The following ZNF385D variants were observed in gnomAD, a reference collection of about 807,000 sequenced individuals.
ZNF385D encodes the protein zinc finger protein 659.
In ZNF385D, 15 loss-of-function variants were observed where a neutral mutation model predicts 35.8. That is an observed-to-expected ratio of 0.42 (90% confidence interval 0.28 to 0.64). ZNF385D has a LOEUF of 0.64. ZNF385D is among the 30% of genes least tolerant of loss of function. ZNF385D has a pLI of 0.23. For synonymous variants in ZNF385D, 212 were observed against 186.8 expected (o/e 1.13, Z -1.10); for missense variants, 474 against 494.6 (o/e 0.96, Z 0.39).
chr3:21,454,394 T>C (rs1351028044), intron 4 of ZNF385D, among the ~76,000 whole-genome samples: 2 of 152,144 alleles, frequency 1.3e-5, no homozygotes, highest in Admixed American at 6.6e-5. Flanking sequence ...TTCCTTGCAG[T>C]GGCCAAAGTT....
chr3:21,903,965 A>C (rs936995893), intron 3 of ZNF385D, among the ~76,000 whole-genome samples: 1 of 152,088 alleles, frequency 6.6e-6, no homozygotes, highest in Admixed American at 6.6e-5. Flanking sequence ...AGCATGTTTG[A>C]TGACTTTTCA....
chr3:22,340,372 G>A (rs34746321), intron 2 of ZNF385D, among the ~76,000 whole-genome samples: 7,141 of 152,186 alleles, frequency 0.047, 519 homozygotes, highest in African/African-American at 0.16. Flanking sequence ...TGAGGTGGGC[G>A]TGGTGGCTCA....
upstream of ZNF385D, among the ~76,000 whole-genome samples, chr3:21,754,161 T>A (rs1176020102): frequency 1.3e-5 from 2 of 152,200 alleles, no homozygotes; most frequent in African/African-American, 4.8e-5. Flanking sequence ...TTCTTCAACA[T>A]ATTATTTTTT....
rs10676871 is a variant in ZNF385D, at chr3:22,107,026, G to GTTTTTTTTTTTTTTTT, written c.325+61775_325+61790dup. 5.1e-4 allele frequency among the ~76,000 whole-genome samples: 61 copies of GTTTTTTTTTTTTTTTT among 118,820 alleles called. 5 individuals carry two copies. The highest frequency in any genetic ancestry group is 3.5e-3 in the South Asian group (12 of 3,446). The allele number at this position is 118,820 out of a possible 152,430, so 78.0% of individuals were successfully genotyped here. A position where few individuals can be genotyped will look rare whatever the true frequency, so the allele number is the denominator to read the frequency against. ...TTTATGCAAAAACTTTGGAATGAGA[G>GTTTTTTTTTTTTTTTT]TTTTTTTTTTTTTTTTAGACAGAGT... On this transcript the variant is annotated intron_variant, in intron 3 of 5. Coordinates refer to the ZNF385D transcript ENST00000494108.
intron 3 of ZNF385D, among the ~76,000 whole-genome samples, chr3:21,885,146 A>G (rs962154906): frequency 6.6e-6 from 1 of 152,082 alleles, no homozygotes; most frequent in African/African-American, 2.4e-5. Context: ...ATAAAAGCAT[A>G]TCATATATGC....
At chr3:21,780,396 C>T (rs1256562789) in intron 3 of ZNF385D, among the ~76,000 whole-genome samples, 1 of 151,914 alleles carries the variant, frequency 6.6e-6, no homozygotes, top group African/African-American at 2.4e-5. Flanking sequence ...CTGACATTTT[C>T]CTCTTCCTCA....
intron 3 of ZNF385D, among the ~76,000 whole-genome samples, chr3:22,018,528 G>T (rs1480497345): frequency 6.6e-6 from 1 of 151,828 alleles, no homozygotes; most frequent in Admixed American, 6.6e-5. Context: ...CTTTTTGTTA[G>T]TTCCTAATTC....
In ZNF385D at chr3:22,317,141, G is replaced by C. The variant is rs185079831; in HGVS notation, c.106+55309C>G. Among the ~76,000 whole-genome samples, 11 of 151,806 alleles carry C rather than the reference G, an allele frequency of 7.2e-5. No homozygotes were observed. In the East Asian group the frequency reaches 2.1e-3, roughly 29 times the overall value. ...AAAAATACAAAATTAGCCGGGCATG[G>C]TGGCATGCACCTGTAATTCCAGCTA... On this transcript the variant is annotated intron_variant, in intron 2 of 5. Coordinates refer to the ZNF385D transcript ENST00000494108.
intron 3 of ZNF385D, among the ~76,000 whole-genome samples, chr3:21,805,529 A>T (rs1048310875): frequency 4.6e-5 from 7 of 152,228 alleles, no homozygotes; most frequent in Non-Finnish European, 8.8e-5. Context: ...AGAACAAAAG[A>T]CCACTCTACT....
At chr3:21,931,423 C>T (rs1701001961) in intron 3 of ZNF385D, among the ~76,000 whole-genome samples, 1 of 152,038 alleles carries the variant, frequency 6.6e-6, no homozygotes, top group Admixed American at 6.6e-5. Flanking sequence ...TACAGATGAC[C>T]CAGCAGTTAC....
chr3:21,840,555 A>C (rs1695601393), intron 3 of ZNF385D, among the ~76,000 whole-genome samples: 1 of 123,674 alleles, frequency 8.1e-6, no homozygotes, highest in African/African-American at 3.3e-5. Flanking sequence ...GCAACTGGGA[A>C]TTTTCAAGAA....
intron 2 of ZNF385D, among the ~76,000 whole-genome samples, chr3:22,308,433 CTTTT>C (rs958704845): frequency 3.3e-5 from 5 of 151,592 alleles, no homozygotes; most frequent in Admixed American, 1.3e-4. Context: ...TAAAACCTGC[CTTTT>C]TTTTCTTTTT....
At chr3:22,217,942 C>T (rs1189538861) in intron 2 of ZNF385D, among the ~76,000 whole-genome samples, 2 of 152,132 alleles carry the variant, frequency 1.3e-5, no homozygotes, top group Non-Finnish European at 2.9e-5. Context: ...GTCACTCCCT[C>T]TCTTTCAAAT....
chr3:22,135,514 T>C (rs1220024042), intron 3 of ZNF385D, among the ~76,000 whole-genome samples: 2 of 152,230 alleles, frequency 1.3e-5, no homozygotes, highest in East Asian at 3.9e-4. Flanking sequence ...ACAACATTCA[T>C]AGAATGAAAG....
Position 22,273,201 on chromosome 3 carries a change from C to A in ZNF385D, c.106+99249G>T, listed in dbSNP as rs572177985. On this transcript the variant is annotated intron_variant, in intron 2 of 5. Transcript: ENST00000494108. ...GATATGACACTAACTGGAATTAGATCCAAGTTTCCTAAAAGCAAATTTGTG... is the reference window on the plus strand; with the variant it reads ...GATATGACACTAACTGGAATTAGATACAAGTTTCCTAAAAGCAAATTTGTG... 2.0e-5 allele frequency among the ~76,000 whole-genome samples: 3 copies of A among 152,058 alleles called. No individual in the cohort carries two copies. The South Asian group carries it at 6.2e-4, about 32-fold the overall frequency.
intron 1 of ZNF385D, among the ~76,000 whole-genome samples, chr3:21,674,880 G>C (rs901742530): frequency 6.6e-6 from 1 of 151,636 alleles, no homozygotes; most frequent in African/African-American, 2.4e-5. Context: ...TAAGTGACTT[G>C]TGTATTGTTT....
At chr3:22,326,473 C>A (rs576322997) in intron 2 of ZNF385D, among the ~76,000 whole-genome samples, 1 of 152,190 alleles carries the variant, frequency 6.6e-6, no homozygotes, top group Admixed American at 6.5e-5. Context: ...ATTTCGCATG[C>A]CTTGAGGAAA....
intron 2 of ZNF385D, among the ~76,000 whole-genome samples, chr3:22,198,222 G>A (rs564022804): frequency 6.6e-6 from 1 of 152,066 alleles, no homozygotes; most frequent in Admixed American, 6.6e-5. Flanking sequence ...GGTTTACCTA[G>A]TAAGTTTAAA....
rs1575121979 is a variant in ZNF385D, at chr3:21,425,649, A to G, written c.695T>C (p.Leu232Ser). 3.8e-6 allele frequency: 6 copies of G among 1,594,550 alleles called. No homozygotes were observed. The East Asian group carries it at 1.4e-4, about 36-fold the overall frequency. The change falls in exon 6 of 8, where the codon TTA (leucine) becomes TCA (serine). Residue 232 changes from leucine to serine, a missense_variant. Coordinates refer to ENST00000281523, the MANE Select transcript of ZNF385D (RefSeq NM_024697.3). The stretch of plus-strand genomic sequence containing the variant: ...AGTGCCACTTCCATTCCGGGCTTCT[A>G]ACATGGTTTTGTGCTTAGTACCTGT... ...HNSGTKHKTM[L>S]EARNGSGTIK...
Sources: gnomAD v4.1 joint callset for allele counts (sites outside exome capture counted in the v4.1 genomes callset) on GRCh38, gnomAD v4.1.1 for gene constraint, MANE v1.5 for transcripts, NCBI Gene and HGNC (gene_info 2026-07-23, HGNC 2026-07-21) for gene names.